ATF7: variants seen among roughly 807,000 people sequenced by gnomAD.
ATF7 encodes cyclic AMP-dependent transcription factor ATF-7.
Under a neutral mutation model 50.4 loss-of-function variants are expected in ATF7, and 10 were observed. That is an observed-to-expected ratio of 0.20 (90% confidence interval 0.12 to 0.34). The LOEUF (loss-of-function observed/expected upper bound fraction) is 0.34. Ranked by LOEUF, ATF7 falls within the 10% of genes least tolerant of loss-of-function variation. ATF7 has a pLI of 1.00. For synonymous variants in ATF7, 201 were observed against 226.4 expected (o/e 0.89, Z 1.01); for missense variants, 465 against 613.9 (o/e 0.76, Z 2.56).
intron 2 of ATF7, among the ~76,000 whole-genome samples, chr12:53,579,765 C>T (rs940501788): frequency 6.6e-6 from 1 of 152,152 alleles, no homozygotes. Flanking sequence ...CTCAGAGGCA[C>T]TTCTCTTGCT....
intron 1 of ATF7, among the ~76,000 whole-genome samples, chr12:53,606,137 C>T (rs1405256227): frequency 1.3e-5 from 2 of 152,038 alleles, no homozygotes; most frequent in Non-Finnish European, 2.9e-5. Context: ...AGTAGTTTGT[C>T]AAGTTAACCC....
intron 3 of ATF7, among the ~76,000 whole-genome samples, chr12:53,547,519 C>T (rs1363545429): frequency 1.3e-5 from 2 of 151,734 alleles, no homozygotes; most frequent in African/African-American, 2.4e-5. Context: ...CTCCTGACCT[C>T]AAGTGATCTG....
chr12:53,511,128 T>C (rs1285554794), downstream of ATF7, among the ~76,000 whole-genome samples: 1 of 152,244 alleles, frequency 6.6e-6, no homozygotes, highest in African/African-American at 2.4e-5. Flanking sequence ...GCCTGGCTCA[T>C]TGTTCTCATT....
rs537781268 is a variant in ATF7 at position 53,611,229 on chromosome 12, G to C, written c.-21-10208C>G. Among the ~76,000 whole-genome samples the C allele has an allele frequency of 1.2e-4, 18 of 152,236 alleles. No individual in the cohort carries two copies. The South Asian group carries it at 3.7e-3, about 32-fold the overall frequency. ...CTCACACCTGTAATCCCGGCATTTTGGGAGGCCAAGGTGGGCAGATTACGA... is the reference window on the plus strand; with the variant it reads ...CTCACACCTGTAATCCCGGCATTTTCGGAGGCCAAGGTGGGCAGATTACGA... On this transcript the variant is annotated intron_variant, in intron 1 of 11. Coordinates refer to ENST00000420353, the MANE Select transcript of ATF7 (RefSeq NM_006856.3).
chr12:53,525,446 TAAA>T (rs903562575), intron 9 of ATF7, among the ~76,000 whole-genome samples: 5 of 152,134 alleles, frequency 3.3e-5, no homozygotes, highest in Non-Finnish European at 7.4e-5. Context: ...GACTGTGAAA[TAAA>T]AAAGTTTGAG....
chr12:53,615,302 T>A (rs1208593810), intron 1 of ATF7, among the ~76,000 whole-genome samples: 1 of 151,686 alleles, frequency 6.6e-6, no homozygotes, highest in Admixed American at 6.6e-5. Flanking sequence ...AAGAATGGCA[T>A]GAACCCGGGA....
At chr12:53,568,001 T>G (rs1467469121) in intron 2 of ATF7, among the ~76,000 whole-genome samples, 1 of 152,240 alleles carries the variant, frequency 6.6e-6, no homozygotes, top group African/African-American at 2.4e-5. Context: ...ACATTAAGTG[T>G]TACAATTTCT....
At chr12:53,541,949 G>A (rs1592826216) in intron 4 of ATF7, among the ~76,000 whole-genome samples, 1 of 152,148 alleles carries the variant, frequency 6.6e-6, no homozygotes, top group East Asian at 1.9e-4. Flanking sequence ...AGCCTCCTGA[G>A]TAGCTGGGAT....
chr12:53,508,638 GCAGA>G (rs1944070081), downstream of ATF7, among the ~76,000 whole-genome samples: 1 of 151,976 alleles, frequency 6.6e-6, no homozygotes. Context: ...TCCAATCTTT[GCAGA>G]CAGACCCCCA....
At chr12:53,593,942 A>C (rs1159570670) in intron 2 of ATF7, among the ~76,000 whole-genome samples, 1 of 152,254 alleles carries the variant, frequency 6.6e-6, no homozygotes. Context: ...ACTGCTGAGC[A>C]AGTCAATCTG....
At position 53,531,884 on chromosome 12, in the gene ATF7, T is replaced by C. The variant is rs2137377810; in HGVS notation, c.787A>G (p.Thr263Ala). ...ATTGAGGAGACTTGGTGAGTTAGGG[T>C]GGCTTTCAGTCTCTGTGGGCAAAGA... Reference protein sequence around the residue: ...PSEAKMRLKATLTHQVSSING... With the variant: ...PSEAKMRLKAALTHQVSSING... Residue 263 changes from threonine to alanine, a missense_variant, in exon 9 of 12, where the codon ACC becomes GCC. Coordinates refer to ENST00000420353, the MANE Select transcript of ATF7 (RefSeq NM_006856.3). The C allele has an allele frequency of 6.2e-7, 1 of 1,613,588 alleles. No individual in the cohort carries two copies. The highest frequency in any genetic ancestry group is 2.2e-5 in the East Asian group (1 of 44,884).
Position 53,587,820 on chromosome 12 carries a change from CATAT to C in ATF7, c.48+13129_48+13132del, listed in dbSNP as rs1242121330. On this transcript the variant is annotated intron_variant, in intron 2 of 11. Coordinates refer to ENST00000420353, the MANE Select transcript of ATF7 (RefSeq NM_006856.3). ...TTTTGATCCTCTATGTATACTTCTACATATATATATATATATATATATATTTTTT... is the reference window on the plus strand; with the variant it reads ...TTTTGATCCTCTATGTATACTTCTACATATATATATATATATATATTTTTT... Among the ~76,000 whole-genome samples the C allele has an allele frequency of 4.8e-3, 324 of 67,038 alleles. 7 individuals carry two copies. Among genetic ancestry groups the C allele is most frequent in the Middle Eastern group, 0.02 (2 of 102 alleles). The allele number at this position is 67,038 out of a possible 152,430, so 44.0% of individuals were successfully genotyped here.
chr12:53,582,735 C>A (rs1258418485), intron 2 of ATF7, among the ~76,000 whole-genome samples: 1 of 152,116 alleles, frequency 6.6e-6, no homozygotes, highest in Non-Finnish European at 1.5e-5. Context: ...CCCGCCACCA[C>A]GCCCGGCTAA....
chr12:53,563,943 C>T (rs1941296938), intron 2 of ATF7, among the ~76,000 whole-genome samples: 1 of 152,166 alleles, frequency 6.6e-6, no homozygotes. Flanking sequence ...CCCTTTATTA[C>T]AGAAAGGCAC....
downstream of ATF7, chr12:53,511,935 G>C (rs2137289393): frequency 6.6e-6 from 1 of 152,296 alleles, no homozygotes; most frequent in East Asian, 1.9e-4. Context: ...AAAAATCCCT[G>C]TTCCTTCTGT....
intron 9 of ATF7, among the ~76,000 whole-genome samples, chr12:53,529,618 C>G (rs1938721731): frequency 6.7e-6 from 1 of 149,632 alleles, no homozygotes. Context: ...GCTACCGCAC[C>G]CGGCCCTCTA....
intron 7 of ATF7, 139 bp from the exon 8 acceptor site, chr12:53,532,762 G>C (rs1938984143): frequency 1.6e-6 from 1 of 617,794 alleles, no homozygotes; most frequent in East Asian, 2.8e-5. Flanking sequence ...AGGGCGTGCA[G>C]GGACAGCCTG....
At chr12:53,584,195 T>G (rs984673693) in intron 2 of ATF7, among the ~76,000 whole-genome samples, 5 of 152,254 alleles carry the variant, frequency 3.3e-5, no homozygotes, top group African/African-American at 1.2e-4. Flanking sequence ...TTGGCCAGGC[T>G]CTTCTCGAAC....
At chr12:53,542,163 C>T (rs1182884091) in intron 4 of ATF7, among the ~76,000 whole-genome samples, 3 of 139,082 alleles carry the variant, frequency 2.2e-5, no homozygotes, top group Non-Finnish European at 3.0e-5. Context: ...TGGTGGTTTA[C>T]GCCTGTAATC....
Sources: gnomAD v4.1 joint callset for allele counts (sites outside exome capture counted in the v4.1 genomes callset) on GRCh38, gnomAD v4.1.1 for gene constraint, MANE v1.5 for transcripts, NCBI Gene and HGNC (gene_info 2026-07-23, HGNC 2026-07-21) for gene names.